SPRING1: variants seen among roughly 807,000 people sequenced by gnomAD.
SPRING1 encodes SREBF pathway regulator in golgi 1, also known as SREBP regulating gene protein.
SPRING1 carries 14 observed loss-of-function variants against 24.7 expected under a neutral mutation model. The observed-to-expected ratio is 0.57, with a 90% CI of 0.37 to 0.88. SPRING1 has a LOEUF of 0.88. SPRING1 is among the 40% of genes least tolerant of loss of function. The pLI, the probability that SPRING1 is intolerant of heterozygous loss-of-function variation, is 0.00. For synonymous variants in SPRING1, 93 were observed against 106.1 expected (o/e 0.88, Z 0.76); for missense variants, 255 against 268.4 (o/e 0.95, Z 0.35).
Position 116,723,038 on chromosome 12 carries a change from G to A in SPRING1, c.268+29C>T, listed in dbSNP as rs376066604. Reference sequence around the variant, plus strand: ...GCCCAACCAGCCTACGCTCCTGACCGCCTGGAGAGGAAGGGAAGCCAGCCT... The same window carrying A: ...GCCCAACCAGCCTACGCTCCTGACCACCTGGAGAGGAAGGGAAGCCAGCCT... On this transcript the variant is annotated intron_variant, in intron 2 of 4. Coordinates refer to ENST00000261318, the MANE Select transcript of SPRING1 (RefSeq NM_024738.4). 26 of 1,611,834 alleles carry A rather than the reference G, an allele frequency of 1.6e-5. No homozygotes were observed. Among genetic ancestry groups the A allele is most frequent in the Admixed American group, 5.0e-5 (3 of 60,008 alleles).
rs1871362187 is a variant in SPRING1 at position 116,737,907 on chromosome 12, G to C, written c.-7C>G. 2 of 1,546,900 alleles carry C rather than the reference G, an allele frequency of 1.3e-6. No individual in the cohort carries two copies. The highest frequency in any genetic ancestry group is 2.3e-5 in the South Asian group (2 of 85,490). ...TGGCCGCCAGGTTCACCATCCCGGC[G>C]CGGACGTGGGGCGCGGCGGCCGGGG... On this transcript the variant is annotated 5_prime_UTR_variant, in exon 1 of 5. Transcript: ENST00000261318.
chr12:116,733,815 C>G (rs1006592260), intron 1 of SPRING1, among the ~76,000 whole-genome samples: 1 of 152,158 alleles, frequency 6.6e-6, no homozygotes, highest in East Asian at 1.9e-4. Flanking sequence ...GTGACTCATC[C>G]GCAACAACTT....
chr12:116,736,423 G>A (rs1265152919), intron 1 of SPRING1, among the ~76,000 whole-genome samples: 1 of 152,112 alleles, frequency 6.6e-6, no homozygotes, highest in Non-Finnish European at 1.5e-5. Context: ...CAGACATCCC[G>A]GCCAATAAAA....
intron 1 of SPRING1, among the ~76,000 whole-genome samples, chr12:116,734,062 A>C (rs1871118009): frequency 6.6e-6 from 1 of 152,102 alleles, no homozygotes; most frequent in Non-Finnish European, 1.5e-5. Flanking sequence ...TTTTTAGTAG[A>C]GATGGGGTTT....
intron 2 of SPRING1, among the ~76,000 whole-genome samples, chr12:116,721,649 T>C (rs1240554694): frequency 6.6e-6 from 1 of 152,222 alleles, no homozygotes; most frequent in Non-Finnish European, 1.5e-5. Context: ...AATGCTATAG[T>C]AAATGTTTCT....
At chr12:116,732,755 A>G (rs12367425) in intron 1 of SPRING1, among the ~76,000 whole-genome samples, 22,586 of 152,180 alleles carry the variant, frequency 0.15, 1,791 homozygotes, top group Middle Eastern at 0.18. Flanking sequence ...CATGCAAGCA[A>G]AACCAAGGTT....
chr12:116,723,146 A>G lies in SPRING1; in HGVS notation c.189T>C (p.Phe63=), dbSNP rs761507043. ...TCGGACGACTGCTATTGCCCAAGTT[A>G]AACTGCACTTTCCACGGGATGGGCT... The part of the protein sequence containing the change: ...HNQPIPWKVQ[F]NLGNSSRPSN... Residue 63 remains phenylalanine (F), a synonymous_variant, in exon 2 of 5, where the codon TTT becomes TTC. Coordinates refer to ENST00000261318, the MANE Select transcript of SPRING1 (RefSeq NM_024738.4). The G allele has an allele frequency of 1.9e-6, 3 of 1,613,714 alleles. No individual in the cohort carries two copies. The highest frequency in any genetic ancestry group is 2.5e-6 in the Non-Finnish European group (3 of 1,180,036).
At chr12:116,722,710 T>C (rs1870489384) in intron 2 of SPRING1, among the ~76,000 whole-genome samples, 1 of 152,160 alleles carries the variant, frequency 6.6e-6, no homozygotes, top group African/African-American at 2.4e-5. Context: ...TGAGCTCTTA[T>C]CCTATAGAGT....
At chr12:116,735,118 G>A (rs572455344) in intron 1 of SPRING1, among the ~76,000 whole-genome samples, 18 of 152,218 alleles carry the variant, frequency 1.2e-4, no homozygotes, top group African/African-American at 4.3e-4. Flanking sequence ...GTGGATATAG[G>A]GAGTGAGAGG....
In SPRING1 at chr12:116,717,050, C is replaced by T. The variant is rs760593487; in HGVS notation, c.*760G>A. On this transcript the variant is annotated 3_prime_UTR_variant, in exon 5 of 5. Coordinates refer to ENST00000261318, the MANE Select transcript of SPRING1 (RefSeq NM_024738.4). The surrounding 1 kb of genome is among the most constrained non-coding windows in gnomAD (Gnocchi z 4.2). ...CAGTGCTCTCCATAGGGTATATGAG[C>T]ACATTCGACTACCACTGGAAAATAA... The T allele has an allele frequency of 3.3e-5, 5 of 152,154 alleles. No individual in the cohort carries two copies. The highest frequency in any genetic ancestry group is 1.3e-4 in the Admixed American group (2 of 15,280). 9.4% of individuals were successfully genotyped at this position (152,154 alleles called of 1,614,324 possible).
intron 1 of SPRING1, among the ~76,000 whole-genome samples, chr12:116,725,839 T>C (rs369259303): frequency 9.2e-5 from 14 of 152,032 alleles, no homozygotes; most frequent in East Asian, 5.8e-4. Flanking sequence ...TGAGCCAAGA[T>C]TGCGCCACTG....
rs187287841 is a variant in SPRING1, at chr12:116,732,948, A to T, written c.111+4842T>A. 1.0e-4 allele frequency among the ~76,000 whole-genome samples: 16 copies of T among 152,386 alleles called. No individual in the cohort carries two copies. In the East Asian group the frequency reaches 2.9e-3, roughly 28 times the overall value. On this transcript the variant is annotated intron_variant, in intron 1 of 4. Transcript: ENST00000261318. ...AGTAAAATGGTCAAAGGACATGATA[A>T]GGCCACTTCAGATGCACAACAGTCA... is the stretch of plus-strand genomic sequence containing the variant.
At chr12:116,730,216 A>AT (rs71031216) in intron 1 of SPRING1, among the ~76,000 whole-genome samples, 63 of 145,024 alleles carry the variant, frequency 4.3e-4, no homozygotes, top group African/African-American at 1.0e-3. Context: ...TTACTTTTTA[A>AT]TTTTTTTTTT....
chr12:116,726,886 C>G (rs1870722215), intron 1 of SPRING1, among the ~76,000 whole-genome samples: 1 of 152,192 alleles, frequency 6.6e-6, no homozygotes, highest in Admixed American at 6.5e-5. Flanking sequence ...CAGAAGGACC[C>G]CTGCCACATC....
At position 116,712,927 on chromosome 12, in the gene SPRING1, G is replaced by C. The variant is rs1468422902; in HGVS notation, c.*4883C>G. On this transcript the variant is annotated 3_prime_UTR_variant, in exon 5 of 5. Coordinates refer to ENST00000261318, the MANE Select transcript of SPRING1 (RefSeq NM_024738.4). The stretch of plus-strand genomic sequence containing the variant: ...TGGGGATTTCAGGGTAATTTAATCA[G>C]CAGCACTTCAGCAGGGTAGAAAGCA... 1.2e-4 allele frequency: 18 copies of C among 152,506 alleles called. No individual in the cohort carries two copies. The highest frequency in any genetic ancestry group is 1.2e-3 in the Admixed American group (18 of 15,294). The allele number at this position is 152,506 out of a possible 1,614,324, so 9.4% of individuals were successfully genotyped here.
At chr12:116,733,641 A>G (rs1423285516) in intron 1 of SPRING1, among the ~76,000 whole-genome samples, 1 of 152,216 alleles carries the variant, frequency 6.6e-6, no homozygotes, top group Non-Finnish European at 1.5e-5. Flanking sequence ...ACAGCCAAAA[A>G]GTTAAAAAAA....
chr12:116,713,833 A>G lies in SPRING1; in HGVS notation c.*3977T>C, dbSNP rs1869979360. 6.6e-6 allele frequency: 1 copy of G among 152,240 alleles called. No homozygotes were observed. The highest frequency in any genetic ancestry group is 6.5e-5 in the Admixed American group (1 of 15,292). The allele number at this position is 152,240 out of a possible 1,614,324, so 9.4% of individuals were successfully genotyped here. ...CAAAGTACTTTCATTTTTGCCTAGAAAATGGGGGAAGACAAAAATGCGCTT... is the reference window on the plus strand; with the variant it reads ...CAAAGTACTTTCATTTTTGCCTAGAGAATGGGGGAAGACAAAAATGCGCTT... On this transcript the variant is annotated 3_prime_UTR_variant, in exon 5 of 5. Coordinates refer to ENST00000261318, the MANE Select transcript of SPRING1 (RefSeq NM_024738.4).
At chr12:116,732,393 T>G (rs1292081837) in intron 1 of SPRING1, among the ~76,000 whole-genome samples, 1 of 152,114 alleles carries the variant, frequency 6.6e-6, no homozygotes, top group East Asian at 1.9e-4. Context: ...CTGAGCAACC[T>G]AGTAAAACCC....
intron 1 of SPRING1, among the ~76,000 whole-genome samples, chr12:116,727,973 A>G (rs900017306): frequency 9.2e-5 from 14 of 152,180 alleles, no homozygotes; most frequent in African/African-American, 3.1e-4. Context: ...ACTTCACTCT[A>G]GACAGTATCT....
Sources: allele counts gnomAD v4.1 joint callset (sites outside exome capture counted in the v4.1 genomes callset), GRCh38; gene constraint gnomAD v4.1.1; non-coding constraint Gnocchi (gnomAD v3.1); transcripts MANE v1.5; gene names NCBI Gene and HGNC (gene_info 2026-07-23, HGNC 2026-07-21).